TENM2: variants seen among roughly 807,000 people sequenced by gnomAD.
TENM2 encodes the protein teneurin transmembrane protein 2.
TENM2 carries 52 observed loss-of-function variants against 245.2 expected under a neutral mutation model. That is an observed-to-expected ratio of 0.21 (90% CI 0.17 to 0.27). The LOEUF (loss-of-function observed/expected upper bound fraction) is 0.27. TENM2 is among the 10% of genes least tolerant of loss of function. The pLI, the probability that TENM2 is intolerant of heterozygous loss-of-function variation, is 1.00. For synonymous variants in TENM2, 1,363 were observed against 1,438.9 expected, an observed-to-expected ratio of 0.95 and a Z score of 1.19; for missense variants, 3,046 against 3,666.8, an observed-to-expected ratio of 0.83 and a Z score of 4.37.
intron 1 of TENM2, among the ~76,000 whole-genome samples, chr5:167,342,507 CTTTTTTTTTTTT>C (rs35451881): frequency 8.8e-4 from 48 of 54,294 alleles, no homozygotes; most frequent in African/African-American, 3.2e-3. Context: ...TAAAGTTATT[CTTTTTTTTTTTT>C]TTTTTTTTTT....
At chr5:167,473,614 A>T (rs528808584) in intron 2 of TENM2, among the ~76,000 whole-genome samples, 2 of 152,316 alleles carry the variant, frequency 1.3e-5, no homozygotes, top group East Asian at 3.9e-4. Flanking sequence ...AAATGCCTAT[A>T]TAATGGTGGT....
In TENM2 at chr5:167,344,252, CAG is replaced by C. The variant is rs536334978; in HGVS notation, c.227-30942_227-30941del. Among the ~76,000 whole-genome samples, 242 of 145,614 alleles carry C rather than the reference CAG, an allele frequency of 1.7e-3. 1 individual carries two copies. Among genetic ancestry groups the C allele is most frequent in the African/African-American group, 5.3e-3 (210 of 39,372 alleles). ...AGCATTTTGGAGATAATATATATAA[CAG>C]AGAATACACAAACACATGCACGTGC... On this transcript the variant is annotated intron_variant, in intron 1 of 28. Transcript: ENST00000518659.
At chr5:167,288,894 A>G (rs1031438006) in intron 1 of TENM2, among the ~76,000 whole-genome samples, 1 of 152,238 alleles carries the variant, frequency 6.6e-6, no homozygotes, top group African/African-American at 2.4e-5. Context: ...TCCTTAGTCA[A>G]AGGCTGGGAA....
rs71591181 is a variant in TENM2, at chr5:167,435,975, CTT to C, written c.502+60521_502+60522del. ...AAGAAATTTCTTTTTCTTTTTTTTT[CTT>C]TTTTTTTTTTTTTTTTTTGAGACAG... On this transcript the variant is annotated intron_variant, in intron 2 of 28. Coordinates refer to ENST00000518659, the Ensembl canonical transcript of TENM2. 9.1e-3 allele frequency among the ~76,000 whole-genome samples: 753 copies of C among 83,156 alleles called. 2 individuals are homozygous for C. Among genetic ancestry groups the C allele is most frequent in the African/African-American group, 0.037 (716 of 19,248 alleles). The allele number at this position is 83,156 out of a possible 152,430, so 54.6% of individuals were successfully genotyped here.
chr5:167,799,212 T>G (rs1460086797), intron 2 of TENM2, among the ~76,000 whole-genome samples: 1 of 152,332 alleles, frequency 6.6e-6, no homozygotes, highest in East Asian at 1.9e-4. Flanking sequence ...AGAGCCTTCC[T>G]CTGGGTATGT....
intron 23 of TENM2, among the ~76,000 whole-genome samples, chr5:168,219,336 T>G (rs942279912): frequency 6.6e-6 from 1 of 152,244 alleles, no homozygotes; most frequent in East Asian, 1.9e-4. Context: ...GGTGCGGAAA[T>G]TAGAATCTAA....
At chr5:167,371,648 A>C (rs561175609) in intron 1 of TENM2, among the ~76,000 whole-genome samples, 98 of 152,116 alleles carry the variant, frequency 6.4e-4, no homozygotes, top group Non-Finnish European at 1.2e-3. Context: ...GGAGTGAGCC[A>C]CTGCGCCCGG....
At chr5:167,250,554 A>G in the TENM2 span, among the ~76,000 whole-genome samples, 3 of 152,160 alleles carry the variant, frequency 2.0e-5, no homozygotes, top group Non-Finnish European at 2.9e-5. Flanking sequence ...ACTGACATAT[A>G]GTATAATGCA....
intron 2 of TENM2, among the ~76,000 whole-genome samples, chr5:167,776,724 T>C (rs899286102): frequency 2.7e-5 from 4 of 150,448 alleles, no homozygotes; most frequent in African/African-American, 9.8e-5. Context: ...TCTCTTTGAG[T>C]GTGGGATTGT....
chr5:168,066,760 T>C (rs541218144), intron 7 of TENM2, among the ~76,000 whole-genome samples: 1 of 152,308 alleles, frequency 6.6e-6, no homozygotes, highest in Admixed American at 6.5e-5. Context: ...GGATGGTATG[T>C]GTACAGTGGA....
chr5:167,378,891 G>A (rs1269238962), intron 2 of TENM2, among the ~76,000 whole-genome samples: 8 of 131,074 alleles, frequency 6.1e-5, no homozygotes, highest in African/African-American at 5.7e-5. Flanking sequence ...CCTTCCAGCA[G>A]AATTCTAGTT....
rs1324065066 is a variant in TENM2 at position 167,445,328 on chromosome 5, T to TAG, written c.502+69856_502+69857insGA. 3.6e-4 allele frequency among the ~76,000 whole-genome samples: 12 copies of TAG among 33,154 alleles called. No homozygotes were observed. In the South Asian group the frequency reaches 4.0e-3, roughly 11 times the overall value. The allele number at this position is 33,154 out of a possible 152,430, so 21.8% of individuals were successfully genotyped here. ...CCATATGATTATATATATATATATA[T>TAG]ATATATATAGAGAGAGAGAGAGAGA... On this transcript the variant is annotated intron_variant, in intron 2 of 28. Transcript: ENST00000518659.
At chr5:167,128,040 A>T in the TENM2 span, among the ~76,000 whole-genome samples, 4 of 152,156 alleles carry the variant, frequency 2.6e-5, no homozygotes, top group Admixed American at 2.0e-4. Context: ...GTTCCAGTGT[A>T]TGATGCTGAG....
At chr5:167,108,183 T>A in the TENM2 span, among the ~76,000 whole-genome samples, 666 of 152,320 alleles carry the variant, frequency 4.4e-3, 5 homozygotes, top group Non-Finnish European at 7.2e-3. Context: ...TGGAGTGCAG[T>A]GGTGCAATCT....
At chr5:167,843,390 T>G (rs1009637846) in intron 2 of TENM2, among the ~76,000 whole-genome samples, 3 of 152,186 alleles carry the variant, frequency 2.0e-5, no homozygotes, top group Non-Finnish European at 4.4e-5. Flanking sequence ...TAGTAGACAC[T>G]TGAAAAGCAT....
chr5:168,120,102 A>C (rs1362560921), intron 10 of TENM2, among the ~76,000 whole-genome samples: 1 of 152,190 alleles, frequency 6.6e-6, no homozygotes, highest in African/African-American at 2.4e-5. Flanking sequence ...CCCGCATTTC[A>C]TCGTTTTTAG....
intron 2 of TENM2, among the ~76,000 whole-genome samples, chr5:167,426,038 C>T (rs768211519): frequency 6.6e-6 from 1 of 152,252 alleles, no homozygotes; most frequent in Admixed American, 6.5e-5. Context: ...CTGCCACCCT[C>T]CTCATTTTTG....
rs78061751 is a variant in TENM2, at chr5:167,980,102, A to G, written c.948-12842A>G. 9.4e-3 allele frequency among the ~76,000 whole-genome samples: 1,434 copies of G among 152,324 alleles called. 21 individuals carry two copies. Among genetic ancestry groups the G allele is most frequent in the Middle Eastern group, 0.041 (12 of 294 alleles). On this transcript the variant is annotated intron_variant, in intron 4 of 28. Transcript: ENST00000518659. Reference sequence around the variant, plus strand: ...GCATTCTTCCAGGGGCTGGAGATACAATGGTGAGGAAGAAGATGAAATCCT... The same window carrying G: ...GCATTCTTCCAGGGGCTGGAGATACGATGGTGAGGAAGAAGATGAAATCCT...
intron 1 of TENM2, among the ~76,000 whole-genome samples, chr5:167,312,749 A>G (rs948859636): frequency 6.6e-6 from 1 of 152,040 alleles, no homozygotes; most frequent in Non-Finnish European, 1.5e-5. Flanking sequence ...GTTATCTTTC[A>G]TAACTATCTC....
Sources: allele counts gnomAD v4.1 joint callset (sites outside exome capture counted in the v4.1 genomes callset), GRCh38; gene constraint gnomAD v4.1.1; transcripts MANE v1.5; gene names NCBI Gene and HGNC (gene_info 2026-07-23, HGNC 2026-07-21).